The following SHISA9 variants were observed in gnomAD, a reference collection of about 807,000 sequenced individuals.
SHISA9 encodes the protein protein shisa-9.
Under a neutral mutation model 38.0 loss-of-function variants are expected in SHISA9, and 13 were observed. The ratio of observed to expected loss-of-function variants is 0.34; its 90% CI spans 0.22 to 0.54. The LOEUF is 0.54. Ranked by LOEUF, SHISA9 falls within the 20% of genes least tolerant of loss-of-function variation. The probability of loss-of-function intolerance (pLI) is 0.91; values close to 1 mark genes in which losing one functional copy is unlikely to be tolerated. For synonymous variants in SHISA9, 275 were observed against 242.0 expected, an observed-to-expected ratio of 1.14 and a Z score of -1.27; for missense variants, 538 against 575.8, an observed-to-expected ratio of 0.93 and a Z score of 0.67.
chr16:13,516,480 G>C, the SHISA9 span, among the ~76,000 whole-genome samples: 24 of 152,136 alleles, frequency 1.6e-4, no homozygotes, highest in Admixed American at 1.2e-3. Flanking sequence ...GAACTGAAAA[G>C]GTATTTGTGG....
the SHISA9 span, among the ~76,000 whole-genome samples, chr16:13,469,046 C>T: frequency 6.6e-6 from 1 of 151,614 alleles, no homozygotes; most frequent in South Asian, 2.1e-4. Flanking sequence ...AGTTTAAGAG[C>T]AGCCTGGCCA....
the SHISA9 span, among the ~76,000 whole-genome samples, chr16:13,557,262 A>G: frequency 6.6e-6 from 1 of 152,234 alleles, no homozygotes; most frequent in Non-Finnish European, 1.5e-5. Flanking sequence ...AAATTTGCCC[A>G]AATTACATAT....
the SHISA9 span, among the ~76,000 whole-genome samples, chr16:13,325,239 A>T: frequency 6.6e-6 from 1 of 152,294 alleles, no homozygotes; most frequent in South Asian, 2.1e-4. Context: ...TTTGAGGTAA[A>T]ATACTTCACC....
chr16:12,920,950 A>G (rs2071320318), intron 2 of SHISA9, among the ~76,000 whole-genome samples: 2 of 152,188 alleles, frequency 1.3e-5, no homozygotes, highest in Non-Finnish European at 2.9e-5. Context: ...AAACAACACT[A>G]AACAAGCCAG....
In SHISA9 at chr16:13,236,466, A is replaced by G. The variant is rs1007840752; in HGVS notation, c.*1057A>G. 6.6e-6 allele frequency: 1 copy of G among 152,228 alleles called. No homozygotes were observed. Among genetic ancestry groups the G allele is most frequent in the African/African-American group, 2.4e-5 (1 of 41,448 alleles). 9.4% of individuals were successfully genotyped at this position (152,228 alleles called of 1,614,324 possible). A position where few individuals can be genotyped will look rare whatever the true frequency, so the allele number is the denominator to read the frequency against. On this transcript the variant is annotated 3_prime_UTR_variant, in exon 5 of 5. Coordinates refer to ENST00000558583, the MANE Select transcript of SHISA9 (RefSeq NM_001145204.3). ...CAGAAACAAGTCCTCTATAAACTGT[A>G]TGTCCCTGACATCCCTTTCCCTTCA...
chr16:13,469,363 GA>G, the SHISA9 span, among the ~76,000 whole-genome samples: 2,099 of 50,984 alleles, frequency 0.041, 31 homozygotes, highest in East Asian at 0.14. Context: ...AGAAAGAAAA[GA>G]AAAAGAAAGA....
intron 4 of SHISA9, among the ~76,000 whole-genome samples, chr16:13,229,460 C>G (rs934540304): frequency 6.6e-6 from 1 of 152,108 alleles, no homozygotes; most frequent in African/African-American, 2.4e-5. Context: ...AAAAACACCC[C>G]TATGTGCTGG....
At chr16:13,508,658 G>A in the SHISA9 span, among the ~76,000 whole-genome samples, 1 of 152,148 alleles carries the variant, frequency 6.6e-6, no homozygotes, top group African/African-American at 2.4e-5. Flanking sequence ...ATTCATTGTA[G>A]ATTTCAAAAT....
At position 13,240,179 on chromosome 16, in the gene SHISA9, C is replaced by T. The variant is rs918572495; in HGVS notation, c.*4770C>T. On this transcript the variant is annotated 3_prime_UTR_variant, in exon 5 of 5. Coordinates refer to ENST00000558583, the MANE Select transcript of SHISA9 (RefSeq NM_001145204.3). ...CCTGGCCTCCCCATCTAACTCTTCCCAGTTTTTTGTGTAAATGGAGCATAT... is the reference window on the plus strand; with the variant it reads ...CCTGGCCTCCCCATCTAACTCTTCCTAGTTTTTTGTGTAAATGGAGCATAT... The T allele has an allele frequency of 7.2e-5, 11 of 152,200 alleles. No homozygotes were observed. Among genetic ancestry groups the T allele is most frequent in the Non-Finnish European group, 1.0e-4 (7 of 68,054 alleles). 9.4% of individuals were successfully genotyped at this position (152,200 alleles called of 1,614,324 possible). A position where few individuals can be genotyped will look rare whatever the true frequency, so the allele number is the denominator to read the frequency against.
chr16:12,983,549 C>T (rs1312942054), intron 2 of SHISA9, among the ~76,000 whole-genome samples: 1 of 152,162 alleles, frequency 6.6e-6, no homozygotes, highest in Admixed American at 6.5e-5. Flanking sequence ...AGTGCAGTGG[C>T]ACAATCTCGG....
intron 2 of SHISA9, among the ~76,000 whole-genome samples, chr16:13,198,846 C>A (rs1043878022): frequency 2.0e-5 from 3 of 152,192 alleles, no homozygotes; most frequent in African/African-American, 7.2e-5. Flanking sequence ...TAATGTGAAA[C>A]TGGAAATGCA....
intron 4 of SHISA9, among the ~76,000 whole-genome samples, chr16:13,228,312 G>A (rs1159513757): frequency 6.6e-6 from 1 of 152,218 alleles, no homozygotes; most frequent in African/African-American, 2.4e-5. Flanking sequence ...GATTCTCCAT[G>A]TGGGACTCAC....
intron 2 of SHISA9, among the ~76,000 whole-genome samples, chr16:12,973,141 A>T (rs2072107571): frequency 6.6e-6 from 1 of 152,182 alleles, no homozygotes; most frequent in Non-Finnish European, 1.5e-5. Flanking sequence ...CCACACAAAA[A>T]ATAATAGATT....
intron 2 of SHISA9, among the ~76,000 whole-genome samples, chr16:13,113,548 C>T (rs935569608): frequency 1.3e-5 from 2 of 152,176 alleles, no homozygotes; most frequent in Non-Finnish European, 2.9e-5. Context: ...TGGCACTAAT[C>T]GGACAGAAAT....
intron 2 of SHISA9, among the ~76,000 whole-genome samples, chr16:13,158,420 CAAAG>C (rs934377183): frequency 1.3e-4 from 20 of 152,268 alleles, no homozygotes; most frequent in Non-Finnish European, 2.5e-4. Flanking sequence ...TGAGAAGAAA[CAAAG>C]AGAGAAAAAA....
intron 2 of SHISA9, among the ~76,000 whole-genome samples, chr16:13,012,439 A>G (rs2072689920): frequency 6.6e-6 from 1 of 152,126 alleles, no homozygotes; most frequent in Non-Finnish European, 1.5e-5. Context: ...CTGAGCTTGT[A>G]TGATGGAGGT....
At chr16:13,095,887 C>T (rs1380434816) in intron 2 of SHISA9, among the ~76,000 whole-genome samples, 1 of 152,184 alleles carries the variant, frequency 6.6e-6, no homozygotes, top group Non-Finnish European at 1.5e-5. Context: ...GATTGTTGGC[C>T]AGTTTGCCTA....
chr16:13,036,848 A>C (rs1423469330), intron 2 of SHISA9, among the ~76,000 whole-genome samples: 1 of 152,048 alleles, frequency 6.6e-6, no homozygotes, highest in Non-Finnish European at 1.5e-5. Context: ...TGGCAACAGT[A>C]AGCGCTCACT....
At chr16:13,009,213 T>C (rs1216408530) in intron 2 of SHISA9, among the ~76,000 whole-genome samples, 1 of 152,170 alleles carries the variant, frequency 6.6e-6, no homozygotes, top group African/African-American at 2.4e-5. Flanking sequence ...CAGATCTTCT[T>C]AGCTGTAAGT....
Sources: allele counts gnomAD v4.1 joint callset (sites outside exome capture counted in the v4.1 genomes callset), GRCh38; gene constraint gnomAD v4.1.1; transcripts MANE v1.5; gene names NCBI Gene and HGNC (gene_info 2026-07-23, HGNC 2026-07-21).